The following PCIF1 variants were observed in gnomAD, a reference collection of about 807,000 sequenced individuals.
PCIF1 encodes mRNA (2'-O-methyladenosine-N(6)-)-methyltransferase.
PCIF1 carries 12 observed loss-of-function variants against 86.9 expected under a neutral mutation model. The observed-to-expected ratio is 0.14, with a 90% CI of 0.09 to 0.22. The LOEUF (loss-of-function observed/expected upper bound fraction) is 0.22. Among genes scored for constraint, PCIF1 ranks in the 10% least tolerant of loss-of-function variants. PCIF1 has a pLI of 1.00. For synonymous variants in PCIF1, 397 were observed against 372.0 expected (o/e 1.07, Z -0.77); for missense variants, 701 against 951.1 (o/e 0.74, Z 3.46).
In PCIF1 at chr20:45,947,137, C is replaced by T; in HGVS notation, c.1678C>T (p.Leu560Phe). The T allele has an allele frequency of 6.2e-7, 1 of 1,613,548 alleles. No individual in the cohort carries two copies. Among genetic ancestry groups the T allele is most frequent in the South Asian group, 1.1e-5 (1 of 91,064 alleles). ...FEANPPFCEE[L>F]MDAMVSHFER... ...GGCCAACCCTCCCTTCTGCGAGGAG[C>T]TCATGGATGCCATGGTCTCTCACTT... is the stretch of plus-strand genomic sequence containing the variant. The change falls in exon 15 of 17, where the codon CTC becomes TTC. Residue 560 changes from leucine to phenylalanine, a missense_variant. Leu to Phe is a conservative substitution (Grantham distance 22, BLOSUM62 0). Around this residue, in one of 7 missense-constraint regions of PCIF1, gnomAD observed 174 missense variants for 206.9 expected, o/e 0.84. Transcript: ENST00000372409. The surrounding 1 kb of genome is among the most constrained non-coding windows in gnomAD (Gnocchi z 5.4).
rs1568794416 is a variant in PCIF1 at position 45,943,002 on chromosome 20, G to A, written c.674-95G>A. ...AGCTTCTGAAGTGGGACTGTGTCTT[G>A]CTTACTGCTGAATGCGATGCTTCCT... On this transcript the variant is annotated intron_variant, in intron 7 of 16. Transcript: ENST00000372409. The surrounding 1 kb of genome is among the most constrained non-coding windows in gnomAD (Gnocchi z 5.5). 1 of 1,302,176 alleles carries A rather than the reference G, an allele frequency of 7.7e-7. No individual in the cohort carries two copies. Among genetic ancestry groups the A allele is most frequent in the South Asian group, 1.4e-5 (1 of 70,624 alleles). The allele number at this position is 1,302,176 out of a possible 1,614,324, so 80.7% of individuals were successfully genotyped here. A position where few individuals can be genotyped will look rare whatever the true frequency, so the allele number is the denominator to read the frequency against.
intron 4 of PCIF1, among the ~76,000 whole-genome samples, chr20:45,939,604 C>T (rs549438405): frequency 1.6e-4 from 25 of 152,232 alleles, no homozygotes; most frequent in African/African-American, 3.4e-4. Flanking sequence ...TTGCTCCCTA[C>T]GGTCGCAGAG....
At chr20:45,945,386 A>G (rs555351153) in intron 11 of PCIF1, among the ~76,000 whole-genome samples, 1 of 151,622 alleles carries the variant, frequency 6.6e-6, no homozygotes, top group East Asian at 2.1e-4. Flanking sequence ...GATCGTCGCT[A>G]TTACGATGAC....
Position 45,939,044 on chromosome 20 carries a change from G to A in PCIF1, c.45G>A (p.Leu15=), listed in dbSNP as rs923863985. ...NHGSPREEAS[L]LSHSPGTSNQ... ...GCAGCCCCCGGGAGGAAGCGTCCCT[G>A]CTGAGTCACTCCCCAGGTACCTCCA... is the stretch of plus-strand genomic sequence containing the variant. Residue 15 remains leucine, a synonymous_variant, in exon 3 of 17, where the codon CTG becomes CTA. Coordinates refer to ENST00000372409, the MANE Select transcript of PCIF1 (RefSeq NM_022104.4). 1.2e-6 allele frequency: 2 copies of A among 1,614,040 alleles called. No individual in the cohort carries two copies. Among genetic ancestry groups the A allele is most frequent in the Non-Finnish European group, 1.7e-6 (2 of 1,179,992 alleles).
At chr20:45,940,002 C>T (rs1436822372) in intron 4 of PCIF1, among the ~76,000 whole-genome samples, 1 of 152,200 alleles carries the variant, frequency 6.6e-6, no homozygotes, top group Non-Finnish European at 1.5e-5. Flanking sequence ...GCAGGACGCA[C>T]ACCTGATGTG....
intron 7 of PCIF1, among the ~76,000 whole-genome samples, chr20:45,942,658 A>G (rs1156632387): frequency 6.7e-6 from 1 of 149,184 alleles, no homozygotes; most frequent in African/African-American, 2.5e-5. Context: ...TCTGTCACCC[A>G]GGTTGGGGTG....
chr20:45,940,951 C>CT lies in PCIF1; in HGVS notation c.518+13dup. On this transcript the variant is annotated intron_variant, in intron 6 of 16. Transcript: ENST00000372409. ...CTACGACCCACTGAGTGAGTCCCTG[C>CT]TGATTGGCTTGGGGGCACCCATTGC... The CT allele has an allele frequency of 6.2e-7, 1 of 1,614,028 alleles. No homozygotes were observed. Among genetic ancestry groups the CT allele is most frequent in the African/African-American group, 1.3e-5 (1 of 75,044 alleles).
At position 45,946,370 on chromosome 20, in the gene PCIF1, C is replaced by T. The variant is rs2083526643; in HGVS notation, c.1599C>T (p.Tyr533=). Reference sequence around the variant, plus strand: ...CTGCCTTCCCCGACACAGACGGCTACTTTGGCTCCCGCGGGTGAGGGCCAA... The same window carrying T: ...CTGCCTTCCCCGACACAGACGGCTATTTTGGCTCCCGCGGGTGAGGGCCAA... ...YCSAFPDTDG[Y]FGSRGPCLDF... is the part of the protein sequence containing the mutation. The change falls in exon 14 of 17, where the codon TAC becomes TAT. Residue 533 remains tyrosine, a synonymous_variant. Coordinates refer to ENST00000372409, the MANE Select transcript of PCIF1 (RefSeq NM_022104.4). The T allele has an allele frequency of 6.2e-7, 1 of 1,613,364 alleles. No homozygotes were observed. The highest frequency in any genetic ancestry group is 1.3e-5 in the African/African-American group (1 of 74,956).
intron 2 of PCIF1, among the ~76,000 whole-genome samples, chr20:45,938,153 G>A (rs1032708918): frequency 6.6e-6 from 1 of 152,196 alleles, no homozygotes; most frequent in Non-Finnish European, 1.5e-5. Context: ...GTGTGCTTTG[G>A]GTGGGGGAGT....
In PCIF1 at chr20:45,934,730, G is replaced by A. The variant is rs1228683533; in HGVS notation, c.-262G>A. On this transcript the variant is annotated 5_prime_UTR_variant, in exon 1 of 17. Transcript: ENST00000372409. The stretch of plus-strand genomic sequence containing the variant: ...AAGATGGCGGCAGCGGCGCTGGGGA[G>A]GGCGAGGCGGAGGCGGCAAAACGGG... 7 of 398,850 alleles carry A rather than the reference G, an allele frequency of 1.8e-5. No individual in the cohort carries two copies. The East Asian group carries it at 1.8e-4, about 10-fold the overall frequency. The allele number at this position is 398,850 out of a possible 1,614,324, so 24.7% of individuals were successfully genotyped here. A position where few individuals can be genotyped will look rare whatever the true frequency, so the allele number is the denominator to read the frequency against.
chr20:45,944,899 G>GC lies in PCIF1; in HGVS notation c.1042dup (p.His348ProfsTer16). 6.2e-7 allele frequency: 1 copy of GC among 1,613,998 alleles called. No homozygotes were observed. Among genetic ancestry groups the GC allele is most frequent in the Non-Finnish European group, 8.5e-7 (1 of 1,179,960 alleles). On this transcript the variant is annotated frameshift_variant, in exon 11 of 17. Coordinates refer to ENST00000372409, the MANE Select transcript of PCIF1 (RefSeq NM_022104.4). LOFTEE classifies it high-confidence loss of function. Reference sequence around the variant, plus strand: ...CTGGAGCATCTGCGGAGGCAGTGTGGCCCCCACGTCTCGGCCGCAGCCAAG... The same window carrying GC: ...CTGGAGCATCTGCGGAGGCAGTGTGGCCCCCCACGTCTCGGCCGCAGCCAAG...
rs188860685 is a variant in PCIF1 at position 45,942,196 on chromosome 20, G to A, written c.674-901G>A. The stretch of plus-strand genomic sequence containing the variant: ...TCACCATGTTGGCCAGGATGGTCTC[G>A]ATCTCTTGACCTTGTGATCCACCCG... On this transcript the variant is annotated intron_variant, in intron 7 of 16. Coordinates refer to ENST00000372409, the MANE Select transcript of PCIF1 (RefSeq NM_022104.4). Among the ~76,000 whole-genome samples, 20 of 146,486 alleles carry A rather than the reference G, an allele frequency of 1.4e-4. 1 individual carries two copies. The East Asian group carries it at 2.9e-3, about 22-fold the overall frequency.
intron 2 of PCIF1, 135 bp from the exon 3 acceptor site, chr20:45,938,845 TG>T: frequency 8.8e-7 from 1 of 1,137,566 alleles, no homozygotes; most frequent in African/African-American, 1.5e-5. Flanking sequence ...GGCTGCTGTG[TG>T]GCACCATGCT....
In PCIF1 at chr20:45,943,445, G is replaced by A; in HGVS notation, c.905+22G>A. On this transcript the variant is annotated intron_variant, in intron 9 of 16. Transcript: ENST00000372409. This position sits in a 1 kb window ranked among gnomAD's most constrained non-coding sequence, Gnocchi z 5.5. ...CCAGGTTTGCCTGTCTTCTGCCCCA[G>A]GCGAGATGGGTCTGTGATTAAAGTG... 6.2e-7 allele frequency: 1 copy of A among 1,605,216 alleles called. No individual in the cohort carries two copies. The highest frequency in any genetic ancestry group is 1.1e-5 in the South Asian group (1 of 90,834).
In PCIF1 at chr20:45,947,496, C is replaced by A. The variant is rs1220822883; in HGVS notation, c.1884-28C>A. On this transcript the variant is annotated intron_variant, in intron 16 of 16. Coordinates refer to ENST00000372409, the MANE Select transcript of PCIF1 (RefSeq NM_022104.4). This position sits in a 1 kb window ranked among gnomAD's most constrained non-coding sequence, Gnocchi z 5.4. ...GGGCTGGCCAGGCCAGGCCCAGCCC[C>A]ACCCTGAGCCATTGCCTTTGCCCGC... 1 of 1,613,476 alleles carries A rather than the reference C, an allele frequency of 6.2e-7. No homozygotes were observed.
chr20:45,936,214 G>C (rs2083424192), intron 1 of PCIF1, among the ~76,000 whole-genome samples: 1 of 151,772 alleles, frequency 6.6e-6, no homozygotes, highest in Non-Finnish European at 1.5e-5. Flanking sequence ...TTGCTCTGTC[G>C]CCTGGGCTGG....
At position 45,939,312 on chromosome 20, in the gene PCIF1, G is replaced by T. The variant is rs781378398; in HGVS notation, c.222G>T (p.Met74Ile). ...TCACCAACCAGTCCCTGTGGGAGAT[G>T]CCCGTGCTGGGGCAGCACGATGTGA... ...NRFTNQSLWEMPVLGQHDVIS... is the reference protein window; with the variant it reads ...NRFTNQSLWEIPVLGQHDVIS... The change falls in exon 4 of 17, where the codon ATG becomes ATT. Residue 74 changes from methionine (M) to isoleucine (I), a missense_variant. Physicochemically the swap from Met to Ile is conservative, Grantham distance 10 (BLOSUM62 1). Coordinates refer to ENST00000372409, the MANE Select transcript of PCIF1 (RefSeq NM_022104.4). 6 of 1,613,724 alleles carry T rather than the reference G, an allele frequency of 3.7e-6. No homozygotes were observed. The South Asian group carries it at 5.5e-5, about 15-fold the overall frequency.
At chr20:45,941,858 A>AT (rs2083472902) in intron 7 of PCIF1, among the ~76,000 whole-genome samples, 1 of 150,706 alleles carries the variant, frequency 6.6e-6, no homozygotes, top group African/African-American at 2.4e-5. Context: ...CAGTGCTGGG[A>AT]TTACAGATGT....
Position 45,943,494 on chromosome 20 carries a change from A to C in PCIF1, c.905+71A>C. 6.9e-7 allele frequency: 1 copy of C among 1,451,968 alleles called. No individual in the cohort carries two copies. The allele number at this position is 1,451,968 out of a possible 1,614,324, so 89.9% of individuals were successfully genotyped here. On this transcript the variant is annotated intron_variant, in intron 9 of 16. Transcript: ENST00000372409. This position sits in a 1 kb window ranked among gnomAD's most constrained non-coding sequence, Gnocchi z 5.5. Reference sequence around the variant, plus strand: ...TGGCAGGTCATAGGCCATCTTGCCCAGTCTCATGCAGGGCTGTCATTGCTC... The same window carrying C: ...TGGCAGGTCATAGGCCATCTTGCCCCGTCTCATGCAGGGCTGTCATTGCTC...
Sources: allele counts gnomAD v4.1 joint callset (sites outside exome capture counted in the v4.1 genomes callset), GRCh38; gene constraint gnomAD v4.1.1; regional missense constraint gnomAD v4.1.1; non-coding constraint Gnocchi (gnomAD v3.1); transcripts MANE v1.5; gene names NCBI Gene and HGNC (gene_info 2026-07-23, HGNC 2026-07-21).